Variants in DOT1L observed in about 807,000 individuals in gnomAD.
DOT1L encodes DOT1 like histone lysine methyltransferase.
A neutral mutation model predicts 153.3 loss-of-function variants in DOT1L; 33 were observed. That is an observed-to-expected ratio of 0.22 (90% CI 0.16 to 0.29). DOT1L has a LOEUF of 0.29. Among genes scored for constraint, DOT1L ranks in the 10% least tolerant of loss-of-function variants. The pLI, the probability that DOT1L is intolerant of heterozygous loss-of-function variation, is 1.00. For synonymous variants in DOT1L, 1,135 were observed against 965.1 expected (o/e 1.18, Z -3.26); for missense variants, 1,847 against 2,119.9 (o/e 0.87, Z 2.53).
chr19:2,230,324 C>A lies in DOT1L; in HGVS notation c.*532C>A. On this transcript the variant is annotated 3_prime_UTR_variant, in exon 28 of 28. Coordinates refer to ENST00000398665, the MANE Select transcript of DOT1L (RefSeq NM_032482.3). ...TCGCCACCACATTCCTCGGAGGCCT[C>A]CCCGCGGCCTGAGCCCCTTCCTGAG... 2.4e-6 allele frequency: 1 copy of A among 415,498 alleles called. No individual in the cohort carries two copies. The allele number at this position is 415,498 out of a possible 1,614,324, so 25.7% of individuals were successfully genotyped here.
chr19:2,231,758 C>T lies in DOT1L; in HGVS notation c.*1966C>T, dbSNP rs1348482792. Reference sequence around the variant, plus strand: ...CGAGTCCCTGGTCTAGAACAAGACACATTCTTTAAACACTGTATTACTTCT... The same window carrying T: ...CGAGTCCCTGGTCTAGAACAAGACATATTCTTTAAACACTGTATTACTTCT... On this transcript the variant is annotated 3_prime_UTR_variant, in exon 28 of 28. Coordinates refer to ENST00000398665, the MANE Select transcript of DOT1L (RefSeq NM_032482.3). The T allele has an allele frequency of 1.9e-5, 4 of 214,048 alleles. No individual in the cohort carries two copies. In the East Asian group the frequency reaches 2.8e-4, roughly 15 times the overall value. The allele number at this position is 214,048 out of a possible 1,614,324, so 13.3% of individuals were successfully genotyped here.
chr19:2,206,847 C>G, intron 10 of DOT1L, 50 bp downstream of exon 10: 2 of 1,558,860 alleles, frequency 1.3e-6, no homozygotes, highest in Non-Finnish European at 1.8e-6. Flanking sequence ...TTTTAACCAT[C>G]TGACACGCAG....
chr19:2,172,058 C>A (rs1830434377), intron 1 of DOT1L, among the ~76,000 whole-genome samples: 1 of 152,172 alleles, frequency 6.6e-6, no homozygotes, highest in South Asian at 2.1e-4. Context: ...AGTGTGGAAA[C>A]CCCAGGGGAG....
chr19:2,223,279 A>G lies in DOT1L; in HGVS notation c.3391-2A>G. 6.2e-7 allele frequency: 1 copy of G among 1,613,254 alleles called. No homozygotes were observed. The highest frequency in any genetic ancestry group is 1.1e-5 in the South Asian group (1 of 91,066). ...GCATCCATTGTGTCTGTCTGCCCTC[A>G]GGTCAGTAACATCAACCAGCCCCTG... On this transcript the variant is annotated splice_acceptor_variant, in intron 24 of 27. Coordinates refer to ENST00000398665, the MANE Select transcript of DOT1L (RefSeq NM_032482.3). LOFTEE classifies it high-confidence loss of function.
intron 1 of DOT1L, among the ~76,000 whole-genome samples, chr19:2,171,757 A>G (rs2021639849): frequency 6.6e-6 from 1 of 152,138 alleles, no homozygotes; most frequent in South Asian, 2.1e-4. Context: ...GTCCCCGCCC[A>G]CTGTGTCCCC....
At chr19:2,227,502 G>T (rs1463919813) in intron 27 of DOT1L, 6 of 519,696 alleles carry the variant, frequency 1.2e-5, no homozygotes, top group Middle Eastern at 3.2e-4. Context: ...TGCCCAGACA[G>T]GGCGGAGAGG....
chr19:2,197,047 G>A lies in DOT1L; in HGVS notation c.651+2470G>A. On this transcript the variant is annotated intron_variant, in intron 7 of 27. Coordinates refer to ENST00000398665, the MANE Select transcript of DOT1L (RefSeq NM_032482.3). The surrounding 1 kb of genome is among the most constrained non-coding windows in gnomAD (Gnocchi z 4.1). ...GCGTGCGATTCTGTTTATCCAAGGTGGGATTCTGCTGGCTGATGGGCCGCT... is the reference window on the plus strand; with the variant it reads ...GCGTGCGATTCTGTTTATCCAAGGTAGGATTCTGCTGGCTGATGGGCCGCT... 6.6e-6 allele frequency among the ~76,000 whole-genome samples: 1 copy of A among 152,232 alleles called. No individual in the cohort carries two copies. The highest frequency in any genetic ancestry group is 1.9e-4 in the East Asian group (1 of 5,196).
At chr19:2,225,236 C>T (rs557418895) in intron 25 of DOT1L, 152 bp from the exon 26 acceptor site, 1 of 722,052 alleles carries the variant, frequency 1.4e-6, no homozygotes, top group Admixed American at 2.1e-5. Flanking sequence ...CAGTCCAGGC[C>T]TGGCCCAGGG....
rs750962832 is a variant in DOT1L, at chr19:2,227,885, C to T, written c.4606+758C>T. The stretch of plus-strand genomic sequence containing the variant: ...CGGCCTCTTCCTTTCAGGCCCCGGC[C>T]TCGGTTGAGACCCGGCCGCCCCCTC... On this transcript the variant is annotated intron_variant, in intron 27 of 27. Coordinates refer to ENST00000398665, the MANE Select transcript of DOT1L (RefSeq NM_032482.3). 3.8e-5 allele frequency: 48 copies of T among 1,272,774 alleles called. 1 individual carries two copies. The South Asian group carries it at 5.9e-4, about 16-fold the overall frequency. 78.8% of individuals were successfully genotyped at this position (1,272,774 alleles called of 1,614,324 possible). A position where few individuals can be genotyped will look rare whatever the true frequency, so the allele number is the denominator to read the frequency against.
intron 2 of DOT1L, 152 bp downstream of exon 2, chr19:2,180,908 T>A: frequency 1.1e-6 from 1 of 879,174 alleles, no homozygotes; most frequent in Non-Finnish European, 1.7e-6. Flanking sequence ...CAGGGACGGG[T>A]AGAGCTGCTT....
intron 2 of DOT1L, 60 bp downstream of exon 2, chr19:2,180,816 C>T (rs1167398697): frequency 5.0e-6 from 8 of 1,596,394 alleles, no homozygotes; most frequent in East Asian, 2.2e-5. Flanking sequence ...CGTGGACACC[C>T]GTGCCCTGCA....
chr19:2,227,001 C>T lies in DOT1L; in HGVS notation c.4480C>T (p.Leu1494=), dbSNP rs1298303262. Residue 1494 remains leucine, a synonymous_variant, in exon 27 of 28, where the codon CTG becomes TTG. Coordinates refer to ENST00000398665, the MANE Select transcript of DOT1L (RefSeq NM_032482.3). ...NLGSVAGSSV[L]QSLFSSVPAA... is the part of the protein sequence containing the mutation. Reference sequence around the variant, plus strand: ...CGGCTCCGTGGCCGGCTCCTCCGTGCTGCAGTCGCTGTTCAGCTCTGTGCC... The same window carrying T: ...CGGCTCCGTGGCCGGCTCCTCCGTGTTGCAGTCGCTGTTCAGCTCTGTGCC... 77 of 1,592,420 alleles carry T rather than the reference C, an allele frequency of 4.8e-5. No individual in the cohort carries two copies. Among genetic ancestry groups the T allele is most frequent in the Non-Finnish European group, 6.5e-5 (76 of 1,176,976 alleles).
At chr19:2,205,346 T>C (rs1175916828) in intron 9 of DOT1L, among the ~76,000 whole-genome samples, 1 of 152,228 alleles carries the variant, frequency 6.6e-6, no homozygotes, top group African/African-American at 2.4e-5. Context: ...CCTGCGAAGT[T>C]CGGCTCCTGA....
chr19:2,169,421 A>G (rs2020044361), intron 1 of DOT1L, among the ~76,000 whole-genome samples: 1 of 152,154 alleles, frequency 6.6e-6, no homozygotes, highest in Non-Finnish European at 1.5e-5. Flanking sequence ...GGCCTGAAAG[A>G]GGTTGCAGGG....
chr19:2,227,673 G>T, intron 27 of DOT1L: 1 of 1,279,178 alleles, frequency 7.8e-7, no homozygotes, highest in Non-Finnish European at 1.0e-6. Context: ...GCCTGCGGCT[G>T]CTGCTCTGCG....
In DOT1L at chr19:2,165,278, A is replaced by T. The variant is rs866229434; in HGVS notation, c.81+1013A>T. ...GCCGGGCATCCCCGCGCGCCCTGGG[A>T]CTCCCGCGCGCGCTGGGCTTGTGTC... On this transcript the variant is annotated intron_variant, in intron 1 of 27. Coordinates refer to ENST00000398665, the MANE Select transcript of DOT1L (RefSeq NM_032482.3). 7.0e-3 allele frequency among the ~76,000 whole-genome samples: 24 copies of T among 3,420 alleles called. 1 individual carries two copies. Among genetic ancestry groups the T allele is most frequent in the Middle Eastern group, 0.25 (2 of 8 alleles). 2.2% of individuals were successfully genotyped at this position (3,420 alleles called of 152,430 possible).
At position 2,226,492 on chromosome 19, in the gene DOT1L, C is replaced by G; in HGVS notation, c.3971C>G (p.Ala1324Gly). 1 of 1,600,764 alleles carries G rather than the reference C, an allele frequency of 6.2e-7. No individual in the cohort carries two copies. Residue 1324 changes from alanine (A) to glycine (G), a missense_variant, in exon 27 of 28, where the codon GCG (alanine) becomes GGG (glycine). Physicochemically the swap from Ala to Gly is moderately conservative, Grantham distance 60. Coordinates refer to ENST00000398665, the MANE Select transcript of DOT1L (RefSeq NM_032482.3). ...TGCACCTTCGGCGGGGGCCTGGCCG[C>G]GGACCTGAGTTTACACAGCTTCAGT... ...NGCTFGGGLA[A>G]DLSLHSFSDG...
chr19:2,223,495 AG>A lies in DOT1L; in HGVS notation c.3596+13del. ...GAGCCCAGCAGTGCTCGGCGAGTCC[AG>A]GGGCCCGGAGGGGGGCGGGGCCTGG... On this transcript the variant is annotated intron_variant, in intron 25 of 27. Transcript: ENST00000398665. 1 of 1,366,750 alleles carries A rather than the reference AG, an allele frequency of 7.3e-7. No homozygotes were observed. 84.7% of individuals were successfully genotyped at this position (1,366,750 alleles called of 1,614,324 possible).
intron 1 of DOT1L, among the ~76,000 whole-genome samples, chr19:2,175,156 G>A (rs896162622): frequency 1.3e-5 from 2 of 151,732 alleles, no homozygotes; most frequent in Non-Finnish European, 2.9e-5. Context: ...CCACCACCAC[G>A]CCCGGTTAAT....
Sources: gnomAD v4.1 joint callset for allele counts (sites outside exome capture counted in the v4.1 genomes callset) on GRCh38, gnomAD v4.1.1 for gene constraint, Gnocchi (gnomAD v3.1) non-coding constraint, MANE v1.5 for transcripts, NCBI Gene and HGNC (gene_info 2026-07-23, HGNC 2026-07-21) for gene names.